The following BLTP1 variants were observed in gnomAD, a reference collection of about 807,000 sequenced individuals.
BLTP1 encodes bridge-like lipid transfer protein family member 1.
chr4:122,328,385 T>C, the BLTP1 span: 3 of 1,575,954 alleles, frequency 1.9e-6, no homozygotes, highest in South Asian at 3.4e-5. Context: ...AAGATCATAA[T>C]GTAGTATTTC....
At chr4:122,351,320 TA>T in the BLTP1 span, 1 of 571,074 alleles carries the variant, frequency 1.8e-6, no homozygotes. Context: ...GTGAACACCT[TA>T]GAGCATACAC....
the BLTP1 span, among the ~76,000 whole-genome samples, chr4:122,241,363 C>A: frequency 6.6e-6 from 1 of 152,152 alleles, no homozygotes; most frequent in Non-Finnish European, 1.5e-5. Flanking sequence ...AGCTTATAGA[C>A]CATGGCATCA....
the BLTP1 span, among the ~76,000 whole-genome samples, chr4:122,160,868 A>G: frequency 3.3e-5 from 5 of 151,826 alleles, no homozygotes; most frequent in African/African-American, 4.9e-5. Flanking sequence ...AGAATTGGTA[A>G]CCCTACACAA....
the BLTP1 span, chr4:122,207,165 A>C: frequency 2.0e-5 from 32 of 1,611,034 alleles, no homozygotes; most frequent in African/African-American, 4.1e-4. Flanking sequence ...CATTTGTTCC[A>C]TATACGTGGA....
chr4:122,181,104 T>C, the BLTP1 span: 1 of 172,472 alleles, frequency 5.8e-6, no homozygotes, highest in Non-Finnish European at 1.2e-5. Context: ...AAGACAGTCT[T>C]TATCCTAAAA....
At chr4:122,259,982 A>T in the BLTP1 span, 1 of 769,998 alleles carries the variant, frequency 1.3e-6, no homozygotes, top group Non-Finnish European at 1.6e-6. Flanking sequence ...AAAGTAATAT[A>T]TAGTCATGCA....
At chr4:122,230,238 T>C in the BLTP1 span, 1 of 1,593,712 alleles carries the variant, frequency 6.3e-7, no homozygotes, top group Non-Finnish European at 8.6e-7. Flanking sequence ...AGAATGGCAG[T>C]AGTCTCCTGT....
At chr4:122,362,349 T>A in the BLTP1 span, 1 of 910,618 alleles carries the variant, frequency 1.1e-6, no homozygotes, top group Non-Finnish European at 1.6e-6. Context: ...AAAATAATTC[T>A]AAATTTGTGG....
chr4:122,328,839 C>CTG, the BLTP1 span: 1 of 840,134 alleles, frequency 1.2e-6, no homozygotes, highest in South Asian at 5.5e-5. Flanking sequence ...AAACTTTGCT[C>CTG]TGAATATGCC....
At chr4:122,336,257 T>C in the BLTP1 span, 8 of 1,612,104 alleles carry the variant, frequency 5.0e-6, no homozygotes, top group African/African-American at 2.7e-5. Context: ...ACTTCAGTCA[T>C]TGCCAGAAGA....
chr4:122,344,411 A>G, the BLTP1 span: 1 of 1,613,936 alleles, frequency 6.2e-7, no homozygotes. Flanking sequence ...CACTTCAGTC[A>G]CTGGTCGAAA....
the BLTP1 span, chr4:122,346,840 G>A: frequency 1.9e-6 from 3 of 1,547,974 alleles, no homozygotes; most frequent in Admixed American, 5.5e-5. Context: ...GATCTTACTT[G>A]GCAGGGTGTA....
the BLTP1 span, chr4:122,235,573 A>T: frequency 4.0e-6 from 2 of 504,900 alleles, no homozygotes; most frequent in Non-Finnish European, 5.1e-6. Flanking sequence ...TGGGAGGCCA[A>T]GGTGGGCGGA....
chr4:122,301,256 T>C, the BLTP1 span: 1 of 1,492,490 alleles, frequency 6.7e-7, no homozygotes, highest in South Asian at 1.4e-5. Context: ...AGTTATTTTT[T>C]TTCTTTAAAA....
the BLTP1 span, chr4:122,305,735 G>A: frequency 4.4e-6 from 6 of 1,348,612 alleles, no homozygotes; most frequent in Non-Finnish European, 5.8e-6. Context: ...ATGGTACAGA[G>A]TATAAGGAAT....
the BLTP1 span, among the ~76,000 whole-genome samples, chr4:122,252,535 A>G: frequency 6.6e-6 from 1 of 152,156 alleles, no homozygotes; most frequent in Non-Finnish European, 1.5e-5. Flanking sequence ...TGGGCCTGTG[A>G]TGGTGGTGGC....
chr4:122,301,299 G>A, the BLTP1 span: 1 of 1,578,886 alleles, frequency 6.3e-7, no homozygotes, highest in Non-Finnish European at 8.6e-7. Context: ...CTTTCCTTTA[G>A]GTGGGGAGCA....
chr4:122,358,282 T>C, the BLTP1 span, among the ~76,000 whole-genome samples: 13 of 152,214 alleles, frequency 8.5e-5, no homozygotes, highest in African/African-American at 3.1e-4. Context: ...GTGAAACATT[T>C]GTCATTTTAT....
At chr4:122,251,803 C>A in the BLTP1 span, among the ~76,000 whole-genome samples, 208 of 152,228 alleles carry the variant, frequency 1.4e-3, 1 homozygote, top group Non-Finnish European at 2.5e-3. Context: ...AGGTTCTGTT[C>A]TTGGCTCTTC....
Sources: gnomAD v4.1 joint callset for allele counts (sites outside exome capture counted in the v4.1 genomes callset) on GRCh38, gnomAD v4.1.1 for gene constraint, MANE v1.5 for transcripts, NCBI Gene and HGNC (gene_info 2026-07-23, HGNC 2026-07-21) for gene names.